Variants in PRKG1 observed in about 807,000 individuals in gnomAD.
PRKG1 encodes cGMP-dependent protein kinase 1.
In PRKG1, 35 loss-of-function variants were observed where a neutral mutation model predicts 88.1. That is an observed-to-expected ratio of 0.40 (90% CI 0.30 to 0.53). The LOEUF (loss-of-function observed/expected upper bound fraction) is 0.53. Ranked by LOEUF, PRKG1 falls within the 20% of genes least tolerant of loss-of-function variation. The pLI is 0.59. For synonymous variants in PRKG1, 303 were observed against 292.5 expected (o/e 1.04, Z -0.37); for missense variants, 540 against 839.8 (o/e 0.64, Z 4.41).
At chr10:51,301,126 A>G (rs538135159) in intron 2 of PRKG1, among the ~76,000 whole-genome samples, 6 of 152,300 alleles carry the variant, frequency 3.9e-5, no homozygotes, top group African/African-American at 1.2e-4. Flanking sequence ...AGAGTCCAGC[A>G]ACAGATTAGT....
intron 3 of PRKG1, among the ~76,000 whole-genome samples, chr10:51,789,604 C>T (rs1416820230): frequency 1.3e-5 from 2 of 152,090 alleles, no homozygotes; most frequent in Non-Finnish European, 2.9e-5. Flanking sequence ...GAATTAAGGG[C>T]TACCCTAAAA....
At chr10:51,631,653 G>C (rs1056147468) in intron 3 of PRKG1, among the ~76,000 whole-genome samples, 2 of 152,180 alleles carry the variant, frequency 1.3e-5, no homozygotes, top group African/African-American at 4.8e-5. Flanking sequence ...TTCCACCTCT[G>C]ATCATCAGGC....
intron 2 of PRKG1, among the ~76,000 whole-genome samples, chr10:51,330,934 G>T (rs1841723730): frequency 6.6e-6 from 1 of 152,192 alleles, no homozygotes; most frequent in Non-Finnish European, 1.5e-5. Flanking sequence ...CCTGTGGCAG[G>T]TACAGCACTG....
intron 3 of PRKG1, among the ~76,000 whole-genome samples, chr10:51,485,934 G>A (rs1012913339): frequency 1.3e-5 from 2 of 152,056 alleles, no homozygotes; most frequent in African/African-American, 4.8e-5. Flanking sequence ...CCCAGCCATA[G>A]GCAACAGTTC....
chr10:51,437,983 C>T (rs919917523), intron 2 of PRKG1, among the ~76,000 whole-genome samples: 2 of 151,614 alleles, frequency 1.3e-5, no homozygotes, highest in African/African-American at 4.8e-5. Context: ...AAAAACATTG[C>T]TGCTGAAACT....
chr10:51,560,645 G>A (rs10998117), intron 3 of PRKG1, among the ~76,000 whole-genome samples: 22,609 of 151,870 alleles, frequency 0.15, 1,875 homozygotes, highest in African/African-American at 0.22. Context: ...TTAATTAACT[G>A]AAGTTCAGTC....
At chr10:51,133,046 G>A (rs1845609754) in intron 1 of PRKG1, among the ~76,000 whole-genome samples, 1 of 152,100 alleles carries the variant, frequency 6.6e-6, no homozygotes. Flanking sequence ...GCCTTACAAT[G>A]AAATCTGAGA....
At chr10:51,840,777 C>A (rs184235926) in intron 4 of PRKG1, among the ~76,000 whole-genome samples, 124 of 152,182 alleles carry the variant, frequency 8.1e-4, no homozygotes, top group African/African-American at 2.8e-3. Flanking sequence ...GACTCCAGCC[C>A]TCAGGTGACC....
chr10:51,219,656 G>T lies in PRKG1; in HGVS notation c.478+66326G>T, dbSNP rs1399847406. Among the ~76,000 whole-genome samples, 4 of 151,700 alleles carry T rather than the reference G, an allele frequency of 2.6e-5. No homozygotes were observed. The East Asian group carries it at 7.8e-4, about 29-fold the overall frequency. ...ACCCAGGAGGCAGAGGTTGCAGTGA[G>T]CCAAGATCACACCACTGCACTAAAG... On this transcript the variant is annotated intron_variant, in intron 2 of 17. Transcript: ENST00000373980.
intron 5 of PRKG1, among the ~76,000 whole-genome samples, chr10:51,942,788 C>A (rs1303641328): frequency 6.6e-6 from 1 of 151,172 alleles, no homozygotes; most frequent in African/African-American, 2.5e-5. Flanking sequence ...TTTCTGAGGG[C>A]TCTGTTCTGT....
chr10:51,739,744 G>A (rs1837384123), intron 3 of PRKG1, among the ~76,000 whole-genome samples: 1 of 152,032 alleles, frequency 6.6e-6, no homozygotes, highest in Non-Finnish European at 1.5e-5. Flanking sequence ...AGTCCAAGGT[G>A]GGTAAATCAC....
chr10:51,095,438 G>A (rs1844504682), intron 1 of PRKG1, among the ~76,000 whole-genome samples: 1 of 152,052 alleles, frequency 6.6e-6, no homozygotes, highest in Non-Finnish European at 1.5e-5. Context: ...TTATTTACTT[G>A]GGCACAGCTA....
At chr10:51,145,457 A>C (rs1033095269) in intron 1 of PRKG1, among the ~76,000 whole-genome samples, 7 of 152,166 alleles carry the variant, frequency 4.6e-5, no homozygotes, top group African/African-American at 1.7e-4. Context: ...ATGTAATGAA[A>C]TGCGTACGGT....
At chr10:52,195,516 A>G (rs1466236027) in intron 9 of PRKG1, among the ~76,000 whole-genome samples, 1 of 152,150 alleles carries the variant, frequency 6.6e-6, no homozygotes, top group Non-Finnish European at 1.5e-5. Flanking sequence ...ACCTATAAAT[A>G]CAGATAGAGT....
chr10:51,626,724 C>T (rs1158598381), intron 3 of PRKG1, among the ~76,000 whole-genome samples: 1 of 152,124 alleles, frequency 6.6e-6, no homozygotes, highest in Non-Finnish European at 1.5e-5. Context: ...CTCAGCTAAA[C>T]CTGGTATTGG....
At chr10:51,079,315 T>G (rs1844046799) in intron 1 of PRKG1, among the ~76,000 whole-genome samples, 1 of 151,870 alleles carries the variant, frequency 6.6e-6, no homozygotes, top group Non-Finnish European at 1.5e-5. Context: ...ACTAAGAGAG[T>G]TGGCAAAATA....
At chr10:51,154,237 T>C (rs1846149215) in intron 2 of PRKG1, among the ~76,000 whole-genome samples, 1 of 151,954 alleles carries the variant, frequency 6.6e-6, no homozygotes, top group South Asian at 2.1e-4. Flanking sequence ...AAAGAAGATA[T>C]TCTTTCTTTC....
At chr10:51,317,249 T>TA (rs1357624962) in intron 2 of PRKG1, among the ~76,000 whole-genome samples, 3 of 152,238 alleles carry the variant, frequency 2.0e-5, no homozygotes, top group African/African-American at 4.8e-5. Context: ...GTTTAGTTTT[T>TA]ATGAGTGTTT....
intron 6 of PRKG1, among the ~76,000 whole-genome samples, chr10:52,057,330 A>T (rs543302981): frequency 6.6e-6 from 1 of 152,316 alleles, no homozygotes; most frequent in Admixed American, 6.5e-5. Flanking sequence ...ATTTTTCTAA[A>T]ACCTGAGGCA....
Sources: allele counts gnomAD v4.1 joint callset (sites outside exome capture counted in the v4.1 genomes callset), GRCh38; gene constraint gnomAD v4.1.1; transcripts MANE v1.5; gene names NCBI Gene and HGNC (gene_info 2026-07-23, HGNC 2026-07-21).